The following MON2 variants were observed in gnomAD, a reference collection of about 807,000 sequenced individuals.
MON2 encodes the protein MON2 regulator of endosome-to-Golgi trafficking, also known as protein MON2 homolog.
MON2 carries 84 observed loss-of-function variants against 208.6 expected under a neutral mutation model. That is an observed-to-expected ratio of 0.40 (90% CI 0.34 to 0.48). MON2 has a LOEUF of 0.48. Among genes scored for constraint, MON2 ranks in the 20% least tolerant of loss-of-function variants. MON2 has a pLI of 0.59. For synonymous variants in MON2, 660 were observed against 694.0 expected (o/e 0.95, Z 0.77); for missense variants, 1,611 against 2,015.4 (o/e 0.80, Z 3.84).
At position 62,537,981 on chromosome 12, in the gene MON2, CCTA is replaced by C. The variant is rs1383837558; in HGVS notation, c.2119-109_2119-107del. 3.6e-5 allele frequency: 32 copies of C among 883,554 alleles called. 1 individual carries two copies. Among genetic ancestry groups the C allele is most frequent in the Non-Finnish European group, 4.5e-5 (26 of 581,042 alleles). The allele number at this position is 883,554 out of a possible 1,614,324, so 54.7% of individuals were successfully genotyped here. On this transcript the variant is annotated intron_variant, in intron 16 of 34. Transcript: ENST00000393630. ...TGATTTTAGTTTTAGGTTTTAAAAA[CCTA>C]CTACTGATTTTAATTTTGGTTGCTA...
chr12:62,484,157 TTTATTCTTGCAGGCTGC>T lies in MON2; in HGVS notation c.112-11_117del. On this transcript the variant is annotated splice_acceptor_variant and splice_polypyrimidine_tract_variant and coding_sequence_variant and intron_variant, in exon 2 of 35. Coordinates refer to ENST00000393630, the MANE Select transcript of MON2 (RefSeq NM_015026.3). LOFTEE classifies it high-confidence loss of function. ...CAGTAAATTTTGTGTTCTAATTATT[TTTATTCTTGCAGGCTGC>T]TGAATCAGGAATAATAAAAGTTAAA... 6.3e-7 allele frequency: 1 copy of T among 1,581,116 alleles called. No individual in the cohort carries two copies. The highest frequency in any genetic ancestry group is 8.6e-7 in the Non-Finnish European group (1 of 1,160,970).
chr12:62,510,097 C>G (rs2071318122), intron 8 of MON2, among the ~76,000 whole-genome samples: 1 of 151,912 alleles, frequency 6.6e-6, no homozygotes, highest in South Asian at 2.1e-4. Flanking sequence ...ATACAACCTA[C>G]TGAAACTGAA....
rs199985838 is a variant in MON2 at position 62,484,219 on chromosome 12, C to T, written c.161C>T (p.Thr54Ile). ...GTTAAAACAATTGCTGCACGAAACA[C>T]TGAAATTTTGGCAGGTAATTTTTTG... The part of the protein sequence containing the change: ...IKVKTIAARN[T>I]EILAALKENS... Residue 54 changes from threonine to isoleucine, a missense_variant, in exon 2 of 35, where the codon ACT (threonine) becomes ATT (isoleucine). Transcript: ENST00000393630. 2.2e-5 allele frequency: 35 copies of T among 1,598,602 alleles called. 1 individual carries two copies. The South Asian group carries it at 2.9e-4, about 13-fold the overall frequency.
intron 22 of MON2, among the ~76,000 whole-genome samples, chr12:62,548,324 A>G (rs1466809937): frequency 6.6e-6 from 1 of 152,186 alleles, no homozygotes; most frequent in Non-Finnish European, 1.5e-5. Flanking sequence ...TGACTTAGGC[A>G]GTTTAGTGGG....
At chr12:62,572,077 C>T (rs1025571489) in intron 30 of MON2, among the ~76,000 whole-genome samples, 1 of 152,186 alleles carries the variant, frequency 6.6e-6, no homozygotes, top group African/African-American at 2.4e-5. Flanking sequence ...GAACTACTTA[C>T]TGTAGGATGA....
intron 7 of MON2, 79 bp from the exon 8 acceptor site, chr12:62,508,207 C>A: frequency 9.3e-7 from 1 of 1,076,398 alleles, no homozygotes; most frequent in East Asian, 2.5e-5. Flanking sequence ...GTTTTGTTTC[C>A]TAGTGAGACT....
chr12:62,495,069 T>C lies in MON2; in HGVS notation c.357T>C (p.Leu119=). Residue 119 remains leucine, a synonymous_variant, in exon 4 of 35, where the codon CTT becomes CTC. Coordinates refer to ENST00000393630, the MANE Select transcript of MON2 (RefSeq NM_015026.3). ...TTTGGCAGCTAATGGAGAATAGTCT[T>C]GAAGAACTTAAGCTACTTCAAACAG... ...NMLWQLMENS[L]EELKLLQTVL... 1 of 1,611,534 alleles carries C rather than the reference T, an allele frequency of 6.2e-7. No homozygotes were observed.
In MON2 at chr12:62,504,065, T is replaced by C. The variant is rs900308196; in HGVS notation, c.789+2367T>C. ...TAAACTCTATGAGGCAGGGATTTAG[T>C]ACACTGTTGTATAGGTGTCTTTAGT... On this transcript the variant is annotated intron_variant, in intron 7 of 34. Transcript: ENST00000393630. 7.2e-5 allele frequency among the ~76,000 whole-genome samples: 11 copies of C among 152,226 alleles called. No homozygotes were observed. The South Asian group carries it at 1.2e-3, about 17-fold the overall frequency.
intron 2 of MON2, among the ~76,000 whole-genome samples, chr12:62,491,074 T>A (rs1248546493): frequency 1.3e-5 from 2 of 152,206 alleles, no homozygotes; most frequent in African/African-American, 4.8e-5. Flanking sequence ...TGTTCATGGT[T>A]CTTCATGTTA....
At chr12:62,543,236 A>G in intron 20 of MON2, 38 bp downstream of exon 20, 2 of 1,148,926 alleles carry the variant, frequency 1.7e-6, no homozygotes, top group Non-Finnish European at 2.4e-6. Flanking sequence ...ATTTTTTAAT[A>G]AACATTTGCA....
rs182699912 is a variant in MON2, at chr12:62,496,601, G to A, written c.435+1454G>A. Among the ~76,000 whole-genome samples the A allele has an allele frequency of 7.2e-5, 11 of 152,298 alleles. No homozygotes were observed. In the South Asian group the frequency reaches 1.2e-3, roughly 17 times the overall value. ...TTCTTTTAAAAGTAGAAAACTTTTG[G>A]AAGGATAAATAGGAGAAAATCTTTG... On this transcript the variant is annotated intron_variant, in intron 4 of 34. Coordinates refer to ENST00000393630, the MANE Select transcript of MON2 (RefSeq NM_015026.3).
At chr12:62,501,398 A>G (rs1380564946) in intron 6 of MON2, among the ~76,000 whole-genome samples, 175 bp from the exon 7 acceptor site, 1 of 152,234 alleles carries the variant, frequency 6.6e-6, no homozygotes, top group Non-Finnish European at 1.5e-5. Context: ...AAGTTTACTT[A>G]TATAATCTAT....
At chr12:62,527,537 T>C (rs2072395763) in intron 11 of MON2, among the ~76,000 whole-genome samples, 1 of 152,138 alleles carries the variant, frequency 6.6e-6, no homozygotes, top group South Asian at 2.1e-4. Flanking sequence ...GAATCAGATA[T>C]CTAGCACTAA....
rs1228923947 is a variant in MON2, at chr12:62,595,965, T to C, written c.*3216T>C. Reference sequence around the variant, plus strand: ...AAAGAGATGAACAATTTAGTGTAGATATTTTATTCTGGAGAATAATATTCA... The same window carrying C: ...AAAGAGATGAACAATTTAGTGTAGACATTTTATTCTGGAGAATAATATTCA... On this transcript the variant is annotated 3_prime_UTR_variant, in exon 35 of 35. Coordinates refer to ENST00000393630, the MANE Select transcript of MON2 (RefSeq NM_015026.3). 1.3e-5 allele frequency: 2 copies of C among 152,264 alleles called. No individual in the cohort carries two copies. The highest frequency in any genetic ancestry group is 2.9e-5 in the Non-Finnish European group (2 of 68,052). The allele number at this position is 152,264 out of a possible 1,614,324, so 9.4% of individuals were successfully genotyped here. A position where few individuals can be genotyped will look rare whatever the true frequency, so the allele number is the denominator to read the frequency against.
chr12:62,551,296 A>G (rs904584276), intron 23 of MON2, among the ~76,000 whole-genome samples: 3 of 152,142 alleles, frequency 2.0e-5, no homozygotes, highest in African/African-American at 7.2e-5. Flanking sequence ...CTTACAGGTC[A>G]TTGTAGGGTT....
chr12:62,592,820 G>C lies in MON2; in HGVS notation c.*71G>C. The C allele has an allele frequency of 7.1e-7, 1 of 1,413,548 alleles. No individual in the cohort carries two copies. Among genetic ancestry groups the C allele is most frequent in the Non-Finnish European group, 9.6e-7 (1 of 1,045,520 alleles). The allele number at this position is 1,413,548 out of a possible 1,614,324, so 87.6% of individuals were successfully genotyped here. On this transcript the variant is annotated 3_prime_UTR_variant, in exon 35 of 35. Transcript: ENST00000393630. ...TTGCTCCTAATTGAGTCTTCTGTGA[G>C]AAGGACATTTCTTACTGCAGATAAT...
intron 34 of MON2, among the ~76,000 whole-genome samples, chr12:62,591,663 T>C (rs1446369436): frequency 6.6e-6 from 1 of 152,196 alleles, no homozygotes; most frequent in Admixed American, 6.5e-5. Context: ...TTTCTTTATT[T>C]TACAGTGGAA....
intron 4 of MON2, 152 bp downstream of exon 4, chr12:62,495,299 C>T: frequency 4.5e-6 from 3 of 661,026 alleles, no homozygotes; most frequent in Non-Finnish European, 7.0e-6. Flanking sequence ...ACTGTTGGTA[C>T]CTTATTTTTT....
In MON2 at chr12:62,553,228, A is replaced by T. The variant is rs767695915; in HGVS notation, c.3210+54A>T. On this transcript the variant is annotated intron_variant, in intron 24 of 34. Transcript: ENST00000393630. ...TTTTAATGAGTCATGCTTATATATT[A>T]ATACTTTTTCAGTTAAACTTATTTC... 5.6e-6 allele frequency: 8 copies of T among 1,424,420 alleles called. No individual in the cohort carries two copies. In the African/African-American group the frequency reaches 1.1e-4, roughly 20 times the overall value. The allele number at this position is 1,424,420 out of a possible 1,614,324, so 88.2% of individuals were successfully genotyped here. A position where few individuals can be genotyped will look rare whatever the true frequency, so the allele number is the denominator to read the frequency against.
Sources: gnomAD v4.1 joint callset for allele counts (sites outside exome capture counted in the v4.1 genomes callset) on GRCh38, gnomAD v4.1.1 for gene constraint, MANE v1.5 for transcripts, NCBI Gene and HGNC (gene_info 2026-07-23, HGNC 2026-07-21) for gene names.